The following PRRC2C variants were observed in gnomAD, a reference collection of about 807,000 sequenced individuals.
PRRC2C encodes protein PRRC2C.
PRRC2C carries 72 observed loss-of-function variants against 317.2 expected under a neutral mutation model. That is an observed-to-expected ratio of 0.23 (90% CI 0.19 to 0.28). The LOEUF (loss-of-function observed/expected upper bound fraction) is 0.28. Among genes scored for constraint, PRRC2C ranks in the 10% least tolerant of loss-of-function variants. The pLI is 1.00. For synonymous variants in PRRC2C, 1,296 were observed against 1,205.9 expected, an observed-to-expected ratio of 1.07 and a Z score of -1.55; for missense variants, 3,074 against 3,459.7, an observed-to-expected ratio of 0.89 and a Z score of 2.80.
chr1:171,548,716 G>A (rs1571933887), intron 17 of PRRC2C, among the ~76,000 whole-genome samples: 1 of 152,108 alleles, frequency 6.6e-6, no homozygotes, highest in Admixed American at 6.5e-5. Context: ...TTTTAAGATA[G>A]CCAAAATAAT....
rs10531775 is a variant in PRRC2C at position 171,514,262 on chromosome 1, A to ATGTG, written c.291-248_291-245dup. On this transcript the variant is annotated intron_variant, in intron 3 of 34. Coordinates refer to ENST00000647382, the MANE Select transcript of PRRC2C (RefSeq NM_001387844.1). ...TGTGTTTAATTAAAAGTGTGTGTGT[A>ATGTG]TGTGTGTGTGTGTGTGTGTGTGTGT... is the stretch of plus-strand genomic sequence containing the variant. Among the ~76,000 whole-genome samples, 1,357 of 148,682 alleles carry ATGTG rather than the reference A, an allele frequency of 9.1e-3. 9 individuals are homozygous for ATGTG. Among genetic ancestry groups the ATGTG allele is most frequent in the Non-Finnish European group, 0.014 (914 of 66,848 alleles).
At chr1:171,543,124 C>G (rs1395775339) in intron 16 of PRRC2C, among the ~76,000 whole-genome samples, 5 of 150,672 alleles carry the variant, frequency 3.3e-5, no homozygotes, top group Non-Finnish European at 5.9e-5. Context: ...AATCCCAGCA[C>G]TTTGGGAGGC....
intron 22 of PRRC2C, 79 bp downstream of exon 22, chr1:171,566,922 C>CG: frequency 8.1e-7 from 1 of 1,239,452 alleles, no homozygotes. Flanking sequence ...CAACAGTCTG[C>CG]TTTTTTTTTT....
At chr1:171,524,183 T>C (rs10753124) in intron 9 of PRRC2C, among the ~76,000 whole-genome samples, 122,467 of 151,688 alleles carry the variant, frequency 0.81, 49,552 homozygotes, top group Middle Eastern at 0.9. Flanking sequence ...ACTACAGCTT[T>C]TTCAGGTCCT....
chr1:171,544,403 T>C (rs235466), intron 16 of PRRC2C, among the ~76,000 whole-genome samples: 123,152 of 152,098 alleles, frequency 0.81, 49,955 homozygotes, highest in Middle Eastern at 0.9. Flanking sequence ...GGATTACAGG[T>C]GTGAGCCACT....
intron 16 of PRRC2C, 104 bp downstream of exon 16, chr1:171,542,333 A>G: frequency 9.7e-7 from 1 of 1,035,938 alleles, no homozygotes; most frequent in Non-Finnish European, 1.4e-6. Context: ...TAAAGGACCA[A>G]AAAACATTGT....
intron 6 of PRRC2C, among the ~76,000 whole-genome samples, chr1:171,520,111 C>T (rs572412858): frequency 9.2e-5 from 14 of 152,092 alleles, no homozygotes; most frequent in South Asian, 6.2e-4. Flanking sequence ...TACAGGGGCA[C>T]GCCATCACGC....
chr1:171,548,347 T>G (rs1400218666), intron 17 of PRRC2C, among the ~76,000 whole-genome samples: 7 of 152,208 alleles, frequency 4.6e-5, no homozygotes, highest in African/African-American at 1.7e-4. Flanking sequence ...TTAACTATTT[T>G]AGAAGAAATG....
chr1:171,583,965 A>C lies in PRRC2C; in HGVS notation c.7419A>C (p.Pro2473=), dbSNP rs1299096297. ...SSSLQPYRSQ[P]AFMQSSLSQP... ...TTTAATCCTTATGTAGATCTCAGCCAGCTTTTATGCAAAGCAGTTTATCCC... is the reference window on the plus strand; with the variant it reads ...TTTAATCCTTATGTAGATCTCAGCCCGCTTTTATGCAAAGCAGTTTATCCC... The change falls in exon 29 of 35, where the codon CCA becomes CCC. Residue 2473 remains proline, a synonymous_variant. Coordinates refer to ENST00000647382, the MANE Select transcript of PRRC2C (RefSeq NM_001387844.1). 1 of 1,610,388 alleles carries C rather than the reference A, an allele frequency of 6.2e-7. No individual in the cohort carries two copies. Among genetic ancestry groups the C allele is most frequent in the Non-Finnish European group, 8.5e-7 (1 of 1,178,178 alleles).
chr1:171,514,586 C>T lies in PRRC2C; in HGVS notation c.341C>T (p.Pro114Leu), dbSNP rs142904319. Residue 114 changes from proline (P) to leucine (L), a missense_variant, in exon 4 of 35, where the codon CCA (proline) becomes CTA (leucine). Physicochemically the swap from Pro to Leu is moderately conservative, Grantham distance 98 (BLOSUM62 -3). Coordinates refer to ENST00000647382, the MANE Select transcript of PRRC2C (RefSeq NM_001387844.1). ...CCAAAACCTGGGGTTGCAGCTCCCC[C>T]AGAAGTAGCACCTGCTCCCAAATCA... ...AQPKPGVAAPPEVAPAPKSWA... is the reference protein window; with the variant it reads ...AQPKPGVAAPLEVAPAPKSWA... The T allele has an allele frequency of 6.4e-7, 1 of 1,561,560 alleles. No homozygotes were observed. Among genetic ancestry groups the T allele is most frequent in the Non-Finnish European group, 8.7e-7 (1 of 1,152,960 alleles).
At chr1:171,504,926 G>C (rs550597169) in intron 1 of PRRC2C, among the ~76,000 whole-genome samples, 1 of 151,866 alleles carries the variant, frequency 6.6e-6, no homozygotes, top group South Asian at 2.1e-4. Context: ...CATGGCATAA[G>C]TTCTTATGCC....
chr1:171,535,331 C>T, intron 12 of PRRC2C, 97 bp from the exon 13 acceptor site: 1 of 1,074,006 alleles, frequency 9.3e-7, no homozygotes, highest in Non-Finnish European at 1.3e-6. Flanking sequence ...TATTTTCTTC[C>T]TCATTAACTT....
At chr1:171,564,480 T>C (rs773717684) in intron 20 of PRRC2C, among the ~76,000 whole-genome samples, 42 of 152,236 alleles carry the variant, frequency 2.8e-4, no homozygotes, top group Non-Finnish European at 4.1e-4. Flanking sequence ...ACTGTACACT[T>C]ACATTTAACT....
intron 1 of PRRC2C, among the ~76,000 whole-genome samples, chr1:171,496,446 AC>A (rs756802052): frequency 5.9e-5 from 9 of 151,722 alleles, no homozygotes; most frequent in Non-Finnish European, 1.2e-4. Context: ...CAAGTGATCC[AC>A]CTGCCTTGGC....
chr1:171,553,623 CT>C (rs1680753278), intron 18 of PRRC2C, among the ~76,000 whole-genome samples: 1 of 152,212 alleles, frequency 6.6e-6, no homozygotes, highest in African/African-American at 2.4e-5. Context: ...AAATTTCCCT[CT>C]ACACACTGTT....
intron 17 of PRRC2C, among the ~76,000 whole-genome samples, chr1:171,549,407 A>G (rs1474934677): frequency 6.6e-6 from 1 of 152,334 alleles, no homozygotes; most frequent in Non-Finnish European, 1.5e-5. Context: ...GATGCAAATG[A>G]GGTAGAATGC....
Position 171,557,973 on chromosome 1 carries a change from A to G in PRRC2C, c.5861A>G (p.Lys1954Arg). 6.2e-7 allele frequency: 1 copy of G among 1,613,354 alleles called. No individual in the cohort carries two copies. Among genetic ancestry groups the G allele is most frequent in the Non-Finnish European group, 8.5e-7 (1 of 1,179,666 alleles). Residue 1954 changes from lysine (K) to arginine (R), a missense_variant, in exon 19 of 35, where the codon AAA becomes AGA. Coordinates refer to ENST00000647382, the MANE Select transcript of PRRC2C (RefSeq NM_001387844.1). ...CTACAGACTACATCTCAGTCTTCAAAACAACCACCACCATCAATTAGGCTG... is the reference window on the plus strand; with the variant it reads ...CTACAGACTACATCTCAGTCTTCAAGACAACCACCACCATCAATTAGGCTG... ...NPLQTTSQSS[K>R]QPPPSIRLPS...
intron 1 of PRRC2C, among the ~76,000 whole-genome samples, chr1:171,501,949 A>G (rs954061790): frequency 6.6e-6 from 1 of 152,124 alleles, no homozygotes; most frequent in Non-Finnish European, 1.5e-5. Flanking sequence ...TTGCCATTAA[A>G]ACCTTTTTTG....
rs566687165 is a variant in PRRC2C, at chr1:171,592,652, T to C, written c.*805T>C. 6.6e-6 allele frequency: 1 copy of C among 152,312 alleles called. No individual in the cohort carries two copies. Among genetic ancestry groups the C allele is most frequent in the South Asian group, 2.1e-4 (1 of 4,828 alleles). 9.4% of individuals were successfully genotyped at this position (152,312 alleles called of 1,614,324 possible). ...GGTAAAATGCTGGTTAGGTTGAGTCTTCCTTGCCCCCACTCAGTCATCTTT... is the reference window on the plus strand; with the variant it reads ...GGTAAAATGCTGGTTAGGTTGAGTCCTCCTTGCCCCCACTCAGTCATCTTT... On this transcript the variant is annotated 3_prime_UTR_variant, in exon 35 of 35. Coordinates refer to ENST00000647382, the MANE Select transcript of PRRC2C (RefSeq NM_001387844.1).
Sources: gnomAD v4.1 joint callset for allele counts (sites outside exome capture counted in the v4.1 genomes callset) on GRCh38, gnomAD v4.1.1 for gene constraint, MANE v1.5 for transcripts, NCBI Gene and HGNC (gene_info 2026-07-23, HGNC 2026-07-21) for gene names.